DNAH17: variants seen among roughly 807,000 people sequenced by gnomAD.
DNAH17 encodes the protein dynein axonemal heavy chain 17, also known as axonemal beta dynein heavy chain 17.
Under a neutral mutation model 485.6 loss-of-function variants are expected in DNAH17, and 376 were observed. The ratio of observed to expected loss-of-function variants is 0.77; its 90% confidence interval spans 0.71 to 0.84. DNAH17 has a LOEUF of 0.84. DNAH17 is among the 40% of genes least tolerant of loss of function. The pLI is 0.00. For missense variants in DNAH17, 6,370 were observed against 5,839.3 expected (o/e 1.09, Z -2.96); for synonymous variants, 3,031 against 2,405.9 (o/e 1.26, Z -7.60).
chr17:78,543,776 A>C (rs1018915322), intron 17 of DNAH17, 81 bp downstream of exon 17: 1 of 1,596,498 alleles, frequency 6.3e-7, no homozygotes, highest in African/African-American at 1.3e-5. Flanking sequence ...CATTTTTATG[A>C]AATCTCCAGC....
At chr17:78,492,888 G>A (rs1007004080) in intron 41 of DNAH17, 123 bp from the exon 42 acceptor site, 1 of 881,816 alleles carries the variant, frequency 1.1e-6, no homozygotes, top group Non-Finnish European at 1.6e-6. Flanking sequence ...TTTCACTCTT[G>A]TCACCGAGGC....
chr17:78,570,232 C>T lies in DNAH17; in HGVS notation c.1044+15G>A, dbSNP rs1421047287. ...GGAGGGGAGGAAGGGGACCCAGGGG[C>T]CAGGGGAGGGTTACCATCTCGATGA... On this transcript the variant is annotated intron_variant, in intron 7 of 80. Transcript: ENST00000389840. The T allele has an allele frequency of 3.8e-6, 6 of 1,569,576 alleles. No homozygotes were observed. Among genetic ancestry groups the T allele is most frequent in the Non-Finnish European group, 5.2e-6 (6 of 1,156,758 alleles).
chr17:78,429,614 GTT>G, intron 75 of DNAH17, among the ~76,000 whole-genome samples: 1 of 152,338 alleles, frequency 6.6e-6, no homozygotes, highest in Middle Eastern at 3.4e-3. Flanking sequence ...TGGGGCAGGT[GTT>G]TCTGCTGTGC....
intron 48 of DNAH17, among the ~76,000 whole-genome samples, chr17:78,481,315 G>A (rs1010853241): frequency 6.6e-6 from 1 of 151,828 alleles, no homozygotes; most frequent in Non-Finnish European, 1.5e-5. Context: ...GTGTTAGCCA[G>A]GATGGTCTTG....
Position 78,507,461 on chromosome 17 carries a change from G to C in DNAH17, c.4581C>G (p.Phe1527Leu). 2 of 1,612,368 alleles carry C rather than the reference G, an allele frequency of 1.2e-6. No homozygotes were observed. Among genetic ancestry groups the C allele is most frequent in the Non-Finnish European group, 8.5e-7 (1 of 1,178,396 alleles). ...GGAACCACCGGGCTGTGCTCACCTTGAATTCCTGGTTGATGTCGTCAAAGC... is the reference window on the plus strand; with the variant it reads ...GGAACCACCGGGCTGTGCTCACCTTCAATTCCTGGTTGATGTCGTCAAAGC... ...SQRFDDINQE[F>L]KALMEDAVKT... The change falls in exon 28 of 81, where the codon TTC becomes TTG. Residue 1527 changes from phenylalanine to leucine, a missense_variant. Physicochemically the swap from Phe to Leu is conservative, Grantham distance 22. Transcript: ENST00000389840.
intron 68 of DNAH17, chr17:78,449,840 ATTTTT>A (rs112200735): frequency 2.2e-6 from 1 of 448,090 alleles, no homozygotes; most frequent in Admixed American, 3.5e-5. Flanking sequence ...CACCTGGCTA[ATTTTT>A]TTTTATTTTT....
chr17:78,436,019 G>A (rs2086840740), intron 74 of DNAH17, among the ~76,000 whole-genome samples: 1 of 152,162 alleles, frequency 6.6e-6, no homozygotes, highest in Admixed American at 6.5e-5. Flanking sequence ...ATTGTTAATG[G>A]GTGACTCTGA....
chr17:78,559,552 G>GTCA (rs1220005337), intron 13 of DNAH17, among the ~76,000 whole-genome samples: 2 of 152,224 alleles, frequency 1.3e-5, no homozygotes, highest in African/African-American at 4.8e-5. Context: ...CCTCCCAGCT[G>GTCA]TCATCTCTTG....
intron 19 of DNAH17, among the ~76,000 whole-genome samples, chr17:78,535,770 G>T (rs1252649507): frequency 1.3e-5 from 2 of 151,948 alleles, no homozygotes; most frequent in Non-Finnish European, 2.9e-5. Flanking sequence ...TCTAAACATT[G>T]TTCTGTAACT....
rs1204965821 is a variant in DNAH17, at chr17:78,459,006, T to A, written c.9856A>T (p.Ile3286Phe). 5 of 1,613,884 alleles carry A rather than the reference T, an allele frequency of 3.1e-6. No individual in the cohort carries two copies. Among genetic ancestry groups the A allele is most frequent in the Non-Finnish European group, 4.2e-6 (5 of 1,179,892 alleles). ...QEKLSRIKNK[I>F]AELNANLSNL... is the part of the protein sequence containing the mutation. ...GGGAGCGAGCCGGCACTTACGGCAA[T>A]CTTGTTTTTGATCCGGGACAGCTTC... The change falls in exon 61 of 81, where the codon ATT becomes TTT. Residue 3286 changes from isoleucine (I) to phenylalanine (F), a missense_variant. Transcript: ENST00000389840.
At chr17:78,519,236 G>C (rs2090874126) in intron 25 of DNAH17, among the ~76,000 whole-genome samples, 1 of 149,448 alleles carries the variant, frequency 6.7e-6, no homozygotes, top group Admixed American at 6.7e-5. Context: ...GGTCAAAGAG[G>C]AAGCCTCAAA....
chr17:78,577,196 T>G (rs1046108676), intron 1 of DNAH17, 99 bp downstream of exon 1: 3 of 152,420 alleles, frequency 2.0e-5, no homozygotes, highest in African/African-American at 7.2e-5. Flanking sequence ...GAGGGTCTGC[T>G]GTCTGCCAGG....
At chr17:78,552,878 T>A (rs2091934696) in intron 14 of DNAH17, 73 bp from the exon 15 acceptor site, 2 of 1,035,488 alleles carry the variant, frequency 1.9e-6, no homozygotes. Flanking sequence ...AAGGACCTTT[T>A]ATTCCTCAAC....
chr17:78,479,865 G>C (rs925936091), intron 49 of DNAH17, among the ~76,000 whole-genome samples: 1 of 152,108 alleles, frequency 6.6e-6, no homozygotes, highest in African/African-American at 2.4e-5. Context: ...TTTGGCAAAG[G>C]CAAGAGATGG....
At chr17:78,545,007 G>A (rs920565734) in intron 16 of DNAH17, among the ~76,000 whole-genome samples, 2 of 151,878 alleles carry the variant, frequency 1.3e-5, no homozygotes, top group East Asian at 1.9e-4. Context: ...ATCCCCCACT[G>A]GAAACATGAG....
At position 78,476,552 on chromosome 17, in the gene DNAH17, G is replaced by C. The variant is rs1568114365; in HGVS notation, c.8154+20C>G. ...GGAGCCATTCTGGGCTCGGCAGAGG[G>C]ACTGGGCAGCTTGACTTACATCAAA... is the stretch of plus-strand genomic sequence containing the variant. On this transcript the variant is annotated intron_variant, in intron 52 of 80. Transcript: ENST00000389840. 6.2e-7 allele frequency: 1 copy of C among 1,601,212 alleles called. No homozygotes were observed. Among genetic ancestry groups the C allele is most frequent in the African/African-American group, 1.3e-5 (1 of 74,754 alleles).
intron 26 of DNAH17, among the ~76,000 whole-genome samples, chr17:78,512,568 G>A (rs534630341): frequency 1.2e-5 from 1 of 81,512 alleles, no homozygotes; most frequent in South Asian, 3.5e-4. Flanking sequence ...GAAGCTCTCT[G>A]TCCTCCCCCT....
At chr17:78,551,467 G>A (rs1241093204) in intron 16 of DNAH17, 68 bp downstream of exon 16, 12 of 1,459,936 alleles carry the variant, frequency 8.2e-6, no homozygotes, top group Non-Finnish European at 1.1e-5. Context: ...CCTCTACGTA[G>A]CCTGGTTTGC....
intron 20 of DNAH17, among the ~76,000 whole-genome samples, chr17:78,531,810 A>C (rs571106249): frequency 6.6e-6 from 1 of 152,190 alleles, no homozygotes; most frequent in South Asian, 2.1e-4. Flanking sequence ...CAGACAATCT[A>C]TATCTTTTAA....
Sources: gnomAD v4.1 joint callset for allele counts (sites outside exome capture counted in the v4.1 genomes callset) on GRCh38, gnomAD v4.1.1 for gene constraint, MANE v1.5 for transcripts, NCBI Gene and HGNC (gene_info 2026-07-23, HGNC 2026-07-21) for gene names.